Variants in REV1 observed in about 807,000 individuals in gnomAD.
REV1 encodes the protein translesion synthesis protein REV1.
A neutral mutation model predicts 137.4 loss-of-function variants in REV1; 42 were observed. That is an observed-to-expected ratio of 0.31 (90% confidence interval 0.24 to 0.40). REV1 has a LOEUF of 0.40. REV1 is among the 10% of genes least tolerant of loss of function. The pLI is 1.00. For missense variants in REV1, 1,282 were observed against 1,490.1 expected (o/e 0.86, Z 2.30); for synonymous variants, 524 against 519.2 (o/e 1.01, Z -0.12).
At position 99,406,079 on chromosome 2, in the gene REV1, A is replaced by C. The variant is rs536652090; in HGVS notation, c.2642T>G (p.Ile881Arg). 10 of 1,613,498 alleles carry C rather than the reference A, an allele frequency of 6.2e-6. No individual in the cohort carries two copies. The East Asian group carries it at 2.2e-4, about 36-fold the overall frequency. Residue 881 changes from isoleucine (I) to arginine (R), a missense_variant, in exon 17 of 23, where the codon ATA becomes AGA. By Grantham distance (97) the Ile-to-Arg change is moderately conservative. This residue lies in a region of REV1 where 372 missense variants were observed against 482.3 expected (regional missense o/e 0.77). Transcript: ENST00000258428. ...EVFRAAVDLE[I>R]SSASRTCTFL... ...AGTGCAAGTTCTAGAAGCAGATGAT[A>C]TTTCCAGATCCACAGCAGCCCGAAA...
intron 12 of REV1, among the ~76,000 whole-genome samples, chr2:99,416,529 A>T (rs1677884416): frequency 6.6e-6 from 1 of 152,196 alleles, no homozygotes; most frequent in Non-Finnish European, 1.5e-5. Context: ...GGCTCTGAAG[A>T]AGAGAAGGCC....
At position 99,410,812 on chromosome 2, in the gene REV1, A is replaced by T; in HGVS notation, c.2228T>A (p.Leu743Gln). 1 of 1,606,758 alleles carries T rather than the reference A, an allele frequency of 6.2e-7. No homozygotes were observed. Among genetic ancestry groups the T allele is most frequent in the Non-Finnish European group, 8.5e-7 (1 of 1,178,148 alleles). The change falls in exon 14 of 23, where the codon CTA becomes CAA. Residue 743 changes from leucine (L) to glutamine (Q), a missense_variant. Physicochemically the swap from Leu to Gln is moderately radical, Grantham distance 113. Around this residue, in one of 7 missense-constraint regions of REV1, gnomAD observed 372 missense variants for 482.3 expected, o/e 0.77. Coordinates refer to ENST00000258428, the MANE Select transcript of REV1 (RefSeq NM_016316.4). ...TTTACCCTTCATGCCAGTGGCTTCT[A>T]GTCTTCTTTGAATTTCTTCTGAAAG... ...LSLSEEIQRR[L>Q]EATGMKGKRL...
rs764824876 is a variant in REV1, at chr2:99,434,363, A to G, written c.1407T>C (p.Tyr469=). The G allele has an allele frequency of 8.7e-6, 14 of 1,609,318 alleles. No individual in the cohort carries two copies. Among genetic ancestry groups the G allele is most frequent in the Admixed American group, 3.4e-5 (2 of 59,120 alleles). ...PGANPQLEWQ[Y]YQNKILKGKA... is the part of the protein sequence containing the mutation. Reference sequence around the variant, plus strand: ...TGCCTTTCAGGATTTTATTCTGGTAATACTGCCACTCCAGCTGGGGGTTAG... The same window carrying G: ...TGCCTTTCAGGATTTTATTCTGGTAGTACTGCCACTCCAGCTGGGGGTTAG... The change falls in exon 8 of 23, where the codon TAT becomes TAC. Residue 469 remains tyrosine (Y), a synonymous_variant. Coordinates refer to ENST00000258428, the MANE Select transcript of REV1 (RefSeq NM_016316.4).
chr2:99,441,564 T>C (rs1681495372), intron 5 of REV1, among the ~76,000 whole-genome samples: 1 of 152,254 alleles, frequency 6.6e-6, no homozygotes. Flanking sequence ...TTTACATATT[T>C]AGAATGTTAT....
chr2:99,410,145 G>C (rs1676937401), intron 14 of REV1, among the ~76,000 whole-genome samples: 1 of 151,938 alleles, frequency 6.6e-6, no homozygotes, highest in African/African-American at 2.4e-5. Flanking sequence ...TGAGTAGCTG[G>C]GACTACAGGC....
At chr2:99,478,854 G>C (rs72958362) in intron 1 of REV1, among the ~76,000 whole-genome samples, 2,670 of 152,240 alleles carry the variant, frequency 0.018, 87 homozygotes, top group African/African-American at 0.06. Context: ...CACACTTTGA[G>C]AACCACTGGT....
intron 1 of REV1, among the ~76,000 whole-genome samples, chr2:99,476,369 A>T (rs544207690): frequency 6.6e-6 from 1 of 152,284 alleles, no homozygotes; most frequent in South Asian, 2.1e-4. Flanking sequence ...CAGCCTGGCC[A>T]ACATGGTGAA....
intron 1 of REV1, among the ~76,000 whole-genome samples, chr2:99,473,138 G>A (rs576421724): frequency 6.6e-6 from 1 of 152,180 alleles, no homozygotes; most frequent in East Asian, 1.9e-4. Context: ...GGCTGAGGTG[G>A]GCAGATCATT....
chr2:99,454,057 T>C (rs1393723851), intron 3 of REV1, among the ~76,000 whole-genome samples: 2 of 152,020 alleles, frequency 1.3e-5, no homozygotes, highest in Non-Finnish European at 2.9e-5. Flanking sequence ...AGACAGGGTC[T>C]GGCTCTGTCA....
intron 4 of REV1, among the ~76,000 whole-genome samples, chr2:99,448,926 T>G (rs1356597104): frequency 6.6e-6 from 1 of 152,190 alleles, no homozygotes; most frequent in Non-Finnish European, 1.5e-5. Context: ...GCTTAAACGG[T>G]AGTGTTGTTT....
chr2:99,438,730 A>C lies in REV1; in HGVS notation c.1084T>G (p.Ser362Ala). ...TCAGTCAATTCACACTTCCACATTGATATGTGATGCAGTCTTGAATGAGAA... is the reference window on the plus strand; with the variant it reads ...TCAGTCAATTCACACTTCCACATTGCTATGTGATGCAGTCTTGAATGAGAA... ...FYSHSRLHHISMWKCELTEFV... is the reference protein window; with the variant it reads ...FYSHSRLHHIAMWKCELTEFV... Residue 362 changes from serine (S) to alanine (A), a missense_variant, in exon 6 of 23, where the codon TCA becomes GCA. By Grantham distance (99) the Ser-to-Ala change is moderately conservative (BLOSUM62 1). Transcript: ENST00000258428. The C allele has an allele frequency of 5.6e-6, 9 of 1,613,808 alleles. No homozygotes were observed. Among genetic ancestry groups the C allele is most frequent in the Non-Finnish European group, 7.6e-6 (9 of 1,179,742 alleles).
At chr2:99,438,307 T>C (rs1681026015) in intron 6 of REV1, among the ~76,000 whole-genome samples, 1 of 152,198 alleles carries the variant, frequency 6.6e-6, no homozygotes, top group African/African-American at 2.4e-5. Flanking sequence ...ATTAACACAG[T>C]TCAAAACTTC....
intron 1 of REV1, among the ~76,000 whole-genome samples, chr2:99,476,857 G>A (rs192197723): frequency 1.3e-5 from 2 of 152,260 alleles, no homozygotes; most frequent in Admixed American, 6.5e-5. Flanking sequence ...CCATAACTTC[G>A]CTGGCAGAGG....
At chr2:99,462,651 A>T in intron 2 of REV1, 29 bp from the exon 3 acceptor site, 1 of 1,580,792 alleles carries the variant, frequency 6.3e-7, no homozygotes, top group Admixed American at 2.1e-5. Flanking sequence ...TAAACCAATC[A>T]CAAAGGTTAC....
intron 8 of REV1, among the ~76,000 whole-genome samples, chr2:99,431,199 A>T (rs1680073501): frequency 6.6e-6 from 1 of 152,234 alleles, no homozygotes; most frequent in Non-Finnish European, 1.5e-5. Context: ...GATTTCGGCA[A>T]CCATATATAC....
intron 1 of REV1, among the ~76,000 whole-genome samples, chr2:99,487,319 C>G (rs545899891): frequency 3.9e-5 from 2 of 51,798 alleles, no homozygotes; most frequent in Non-Finnish European, 4.3e-5. Flanking sequence ...GGACACTAAG[C>G]AAGAAAGTGA....
intron 1 of REV1, among the ~76,000 whole-genome samples, chr2:99,473,562 T>G (rs1227567006): frequency 1.3e-5 from 2 of 152,204 alleles, no homozygotes; most frequent in Non-Finnish European, 2.9e-5. Context: ...AAGATATCTT[T>G]TAAAAATATA....
intron 1 of REV1, among the ~76,000 whole-genome samples, chr2:99,489,508 G>A (rs1045460944): frequency 4.9e-5 from 2 of 41,006 alleles, no homozygotes; most frequent in African/African-American, 2.1e-4. Context: ...GCTGCGCCAG[G>A]GGTCGGCGCG....
chr2:99,445,035 A>C (rs192870022), intron 4 of REV1, among the ~76,000 whole-genome samples: 4 of 152,298 alleles, frequency 2.6e-5, no homozygotes, highest in Admixed American at 2.6e-4. Flanking sequence ...TTTACATTCT[A>C]TACAACGAAT....
Sources: gnomAD v4.1 joint callset for allele counts (sites outside exome capture counted in the v4.1 genomes callset) on GRCh38, gnomAD v4.1.1 for gene constraint, gnomAD v4.1.1 regional missense constraint, MANE v1.5 for transcripts, NCBI Gene and HGNC (gene_info 2026-07-23, HGNC 2026-07-21) for gene names.